USH1C: variants seen among roughly 807,000 people sequenced by gnomAD.
USH1C encodes the protein USH1 protein network component harmonin, also known as harmonin.
In USH1C, 90 loss-of-function variants were observed where a neutral mutation model predicts 119.3. The ratio of observed to expected loss-of-function variants is 0.75; its 90% confidence interval spans 0.64 to 0.90. The LOEUF (loss-of-function observed/expected upper bound fraction) is 0.90, where lower values mean the gene tolerates loss of function less well. USH1C is among the 40% of genes least tolerant of loss of function. USH1C has a pLI of 0.00. For synonymous variants in USH1C, 465 were observed against 443.3 expected, an observed-to-expected ratio of 1.05 and a Z score of -0.62; for missense variants, 1,165 against 1,167.7, an observed-to-expected ratio of 1.00 and a Z score of 0.03.
chr11:17,504,796 C>T (rs1232873569), intron 19 of USH1C, 99 bp from the exon 20 acceptor site: 31 of 1,260,170 alleles, frequency 2.5e-5, no homozygotes, highest in Non-Finnish European at 3.4e-5. Context: ...CTGGGGCTGC[C>T]GTGCCAATGT....
rs2133784440 is a variant in USH1C at position 17,501,158 on chromosome 11, G to A, written c.2281-8C>T. ...CAGGTCTAAGGATCCCTCCTGGTTAGAGGAAAACAGGCCTTAGGGAGCCAA... is the reference window on the plus strand; with the variant it reads ...CAGGTCTAAGGATCCCTCCTGGTTAAAGGAAAACAGGCCTTAGGGAGCCAA... On this transcript the variant is annotated splice_polypyrimidine_tract_variant and splice_region_variant and intron_variant, in intron 22 of 26. Coordinates refer to ENST00000005226, the MANE Select transcript of USH1C (RefSeq NM_153676.4). 1 of 1,610,244 alleles carries A rather than the reference G, an allele frequency of 6.2e-7. No individual in the cohort carries two copies. Among genetic ancestry groups the A allele is most frequent in the East Asian group, 2.2e-5 (1 of 44,686 alleles).
At chr11:17,513,836 GA>G (rs5789989) in intron 15 of USH1C, among the ~76,000 whole-genome samples, 87,857 of 150,786 alleles carry the variant, frequency 0.58, 26,013 homozygotes, top group South Asian at 0.76. Flanking sequence ...AAGAAAGAAA[GA>G]AAAAAAAAAC....
In USH1C at chr11:17,498,255, C is replaced by T. The variant is rs2133772742; in HGVS notation, c.2397G>A (p.Gly799=). The change falls in exon 24 of 27, where the codon GGG becomes GGA. Residue 799 remains glycine, a synonymous_variant. Transcript: ENST00000005226. ...AAERHGGIVK[G]DEIMAINGKI... ...TGCCGTTGATTGCCATGATCTCGTC[C>T]CCTTTCACAATGCCACCTGCAGGCA... 2 of 1,614,130 alleles carry T rather than the reference C, an allele frequency of 1.2e-6. No individual in the cohort carries two copies. Among genetic ancestry groups the T allele is most frequent in the Non-Finnish European group, 1.7e-6 (2 of 1,180,026 alleles).
intron 21 of USH1C, among the ~76,000 whole-genome samples, 157 bp downstream of exon 21, chr11:17,501,782 T>C (rs934630719): frequency 6.6e-6 from 1 of 152,078 alleles, no homozygotes; most frequent in African/African-American, 2.4e-5. Context: ...GGAAGGAATC[T>C]TCGTGGGAAG....
chr11:17,508,926 C>CT (rs998630172), intron 18 of USH1C, among the ~76,000 whole-genome samples: 3 of 152,178 alleles, frequency 2.0e-5, no homozygotes, highest in African/African-American at 4.8e-5. Context: ...CCTCCCCTCC[C>CT]TTTTTTTCCC....
rs61735264 is a variant in USH1C at position 17,515,959 on chromosome 11, C to T, written c.1260+282G>A. On this transcript the variant is annotated intron_variant, in intron 15 of 26. Transcript: ENST00000005226. ...TGACAGAGAAACACAGGAGAAGCTT[C>T]CTGCCCCTTTCCTGTTCCCATCAGG... Among the ~76,000 whole-genome samples, 1,478 of 152,354 alleles carry T rather than the reference C, an allele frequency of 9.7e-3. 17 individuals carry two copies. Among genetic ancestry groups the T allele is most frequent in the Middle Eastern group, 0.048 (14 of 294 alleles).
chr11:17,542,915 A>T (rs1223780302), intron 1 of USH1C, among the ~76,000 whole-genome samples: 1 of 152,118 alleles, frequency 6.6e-6, no homozygotes, highest in Non-Finnish European at 1.5e-5. Context: ...TCCAGCTATC[A>T]CCCACCCCTG....
In USH1C at chr11:17,517,389, G is replaced by T. The variant is rs752356866; in HGVS notation, c.1211-1099C>A. On this transcript the variant is annotated intron_variant, in intron 14 of 26. Transcript: ENST00000005226. ...GAGCAGCCAGGCCAGGGAGCAAAGC[G>T]GGGACGCGAACCTGCTCTCCCTGCT... 4 of 1,572,578 alleles carry T rather than the reference G, an allele frequency of 2.5e-6. No homozygotes were observed. Among genetic ancestry groups the T allele is most frequent in the African/African-American group, 2.7e-5 (2 of 73,986 alleles).
rs1850699743 is a variant in USH1C at position 17,526,815 on chromosome 11, T to G, written c.522-5A>C. On this transcript the variant is annotated splice_polypyrimidine_tract_variant and splice_region_variant and intron_variant, in intron 6 of 26. Transcript: ENST00000005226. ...GTGAGGGGCTCATCAGGAGAGCTGATGGGAAGGGAAAATAGATGGGAGGGT... is the reference window on the plus strand; with the variant it reads ...GTGAGGGGCTCATCAGGAGAGCTGAGGGGAAGGGAAAATAGATGGGAGGGT... 2 of 1,613,638 alleles carry G rather than the reference T, an allele frequency of 1.2e-6. No individual in the cohort carries two copies. The highest frequency in any genetic ancestry group is 3.3e-4 in the Middle Eastern group (2 of 6,062).
chr11:17,520,435 T>C (rs2133865896), intron 14 of USH1C, among the ~76,000 whole-genome samples: 1 of 152,298 alleles, frequency 6.6e-6, no homozygotes, highest in Non-Finnish European at 1.5e-5. Flanking sequence ...TGAATCAACC[T>C]TGGACCACCA....
At chr11:17,501,024 A>G (rs1246071054) in intron 23 of USH1C, 27 bp downstream of exon 23, 6 of 1,601,644 alleles carry the variant, frequency 3.7e-6, no homozygotes, top group Non-Finnish European at 5.1e-6. Context: ...TCATCCCCAA[A>G]CCTGGGTGTG....
intron 14 of USH1C, among the ~76,000 whole-genome samples, chr11:17,518,086 G>A (rs1850236687): frequency 6.6e-6 from 1 of 152,228 alleles, no homozygotes. Flanking sequence ...GCCTCCCTAG[G>A]ACTCTGGAAG....
chr11:17,502,372 G>A (rs1415806043), intron 20 of USH1C, among the ~76,000 whole-genome samples: 1 of 152,220 alleles, frequency 6.6e-6, no homozygotes, highest in African/African-American at 2.4e-5. Context: ...AGCAGGCCCA[G>A]GCCCTGGGGG....
rs556386214 is a variant in USH1C, at chr11:17,507,049, G to A, written c.2014-1100C>T. On this transcript the variant is annotated intron_variant, in intron 18 of 26. Coordinates refer to ENST00000005226, the MANE Select transcript of USH1C (RefSeq NM_153676.4). ...CCCTGAAAACCCCCCTATGGCCGGTGCTGGTGTGGCAGGCACAAGTGTCAA... is the reference window on the plus strand; with the variant it reads ...CCCTGAAAACCCCCCTATGGCCGGTACTGGTGTGGCAGGCACAAGTGTCAA... 3.3e-5 allele frequency among the ~76,000 whole-genome samples: 5 copies of A among 152,362 alleles called. No individual in the cohort carries two copies. In the South Asian group the frequency reaches 1.0e-3, roughly 32 times the overall value.
chr11:17,510,774 G>C (rs962892630), intron 16 of USH1C, among the ~76,000 whole-genome samples: 1 of 152,098 alleles, frequency 6.6e-6, no homozygotes, highest in African/African-American at 2.4e-5. Context: ...TATGTATTGT[G>C]AGGGATTAGC....
chr11:17,518,534 T>C (rs1266156873), intron 14 of USH1C, among the ~76,000 whole-genome samples: 3 of 152,192 alleles, frequency 2.0e-5, no homozygotes, highest in African/African-American at 4.8e-5. Context: ...GGAGCCTCTG[T>C]GGTGGTGTCC....
intron 26 of USH1C, chr11:17,494,671 T>A (rs1320601779): frequency 8.4e-6 from 4 of 477,388 alleles, no homozygotes; most frequent in Non-Finnish European, 1.2e-5. Context: ...CATAGGGCCA[T>A]GCAGGCCACC....
At chr11:17,516,063 G>A (rs577228947) in intron 15 of USH1C, among the ~76,000 whole-genome samples, 178 bp downstream of exon 15, 9 of 152,306 alleles carry the variant, frequency 5.9e-5, no homozygotes, top group Non-Finnish European at 7.3e-5. Flanking sequence ...TGTTGCCTTT[G>A]CAACAGCACC....
rs2072232 is a variant in USH1C, at chr11:17,498,150, C to G, written c.2490+12G>C. On this transcript the variant is annotated intron_variant, in intron 24 of 26. Coordinates refer to ENST00000005226, the MANE Select transcript of USH1C (RefSeq NM_153676.4). ...GGTGAGGGAGGAAAGGAGGGAGGGG[C>G]CTTATTCTTACCCCGCCCTGATTCC... 172,134 of 1,610,522 alleles carry G rather than the reference C, an allele frequency of 0.11. 10,823 individuals are homozygous for G. The highest frequency in any genetic ancestry group is 0.3 in the East Asian group (13,465 of 44,840).
Sources: gnomAD v4.1 joint callset for allele counts (sites outside exome capture counted in the v4.1 genomes callset) on GRCh38, gnomAD v4.1.1 for gene constraint, MANE v1.5 for transcripts, NCBI Gene and HGNC (gene_info 2026-07-23, HGNC 2026-07-21) for gene names.